PKIG: variants seen among roughly 807,000 people sequenced by gnomAD.
PKIG encodes the protein cAMP-dependent protein kinase inhibitor gamma.
PKIG carries 1 observed loss-of-function variant against 6.8 expected under a neutral mutation model. The observed-to-expected ratio is 0.15, with a 90% CI of 0.05 to 0.69. The LOEUF (loss-of-function observed/expected upper bound fraction) is 0.69, where lower values mean the gene tolerates loss of function less well. PKIG is among the 30% of genes least tolerant of loss of function. The pLI is 0.82. For synonymous variants in PKIG, 39 were observed against 43.0 expected (o/e 0.91, Z 0.36); for missense variants, 77 against 104.0 (o/e 0.74, Z 1.13).
At chr20:44,532,547 A>G (rs1023535847) in intron 1 of PKIG, among the ~76,000 whole-genome samples, 3 of 152,196 alleles carry the variant, frequency 2.0e-5, no homozygotes, top group Non-Finnish European at 4.4e-5. Flanking sequence ...TGAACGAGAG[A>G]CATCGTGTCC....
At chr20:44,537,209 A>T (rs1231864546) in intron 1 of PKIG, among the ~76,000 whole-genome samples, 1 of 152,164 alleles carries the variant, frequency 6.6e-6, no homozygotes, top group Non-Finnish European at 1.5e-5. Flanking sequence ...GGTTCAAGCG[A>T]TTCTCATGCC....
intron 2 of PKIG, among the ~76,000 whole-genome samples, chr20:44,592,200 G>A (rs1434455128): frequency 1.3e-5 from 2 of 152,194 alleles, no homozygotes. Context: ...GACTCAAAGA[G>A]GTGGAACTGC....
At chr20:44,536,342 A>G (rs1325038923) in intron 1 of PKIG, among the ~76,000 whole-genome samples, 1 of 152,108 alleles carries the variant, frequency 6.6e-6, no homozygotes, top group Non-Finnish European at 1.5e-5. Context: ...CATTGCCCTA[A>G]TTTTCCTTTT....
chr20:44,545,227 C>T (rs1448447884), intron 1 of PKIG, among the ~76,000 whole-genome samples: 4 of 152,036 alleles, frequency 2.6e-5, no homozygotes, highest in Non-Finnish European at 4.4e-5. Flanking sequence ...TGAGCCACTG[C>T]GCCTGCAATG....
intron 1 of PKIG, among the ~76,000 whole-genome samples, chr20:44,569,350 T>A (rs1306742999): frequency 1.3e-5 from 2 of 152,200 alleles, no homozygotes; most frequent in Non-Finnish European, 2.9e-5. Flanking sequence ...GATCACACAG[T>A]TCCACCAACC....
intron 1 of PKIG, among the ~76,000 whole-genome samples, chr20:44,544,838 A>G (rs2123163487): frequency 6.7e-6 from 1 of 149,466 alleles, no homozygotes; most frequent in East Asian, 2.0e-4. Context: ...TGTCAGCTAT[A>G]CCCTGTATTT....
intron 2 of PKIG, among the ~76,000 whole-genome samples, chr20:44,611,436 C>T (rs537548237): frequency 9.9e-5 from 15 of 152,214 alleles, no homozygotes; most frequent in Admixed American, 3.9e-4. Flanking sequence ...ACTATGTACC[C>T]GTTGACCAGC....
intron 2 of PKIG, among the ~76,000 whole-genome samples, chr20:44,596,359 A>G (rs1369468709): frequency 6.6e-6 from 1 of 152,248 alleles, no homozygotes. Flanking sequence ...TAAAGGGCCT[A>G]CGCCCCAGGC....
chr20:44,550,810 A>ATG lies in PKIG; in HGVS notation c.-241+18832_-241+18833insTG, dbSNP rs1245478448. ...CCAGAGCTCTAGAGTCAGTGGTCTT[A>ATG]ACCTCTATTATGACCTCTCACTTAA... On this transcript the variant is annotated intron_variant, in intron 1 of 4. Transcript: ENST00000372887. Among the ~76,000 whole-genome samples, 130 of 152,182 alleles carry ATG rather than the reference A, an allele frequency of 8.5e-4. 1 individual carries two copies. The highest frequency in any genetic ancestry group is 2.4e-4 in the Non-Finnish European group (16 of 68,034).
At chr20:44,579,760 C>G (rs1046386675), upstream of PKIG, among the ~76,000 whole-genome samples, 3 of 152,198 alleles carry the variant, frequency 2.0e-5, no homozygotes, top group African/African-American at 7.2e-5. Context: ...GGAAGTGATA[C>G]AGAGTACATG....
chr20:44,591,530 T>C (rs1237285397), intron 2 of PKIG, among the ~76,000 whole-genome samples: 1 of 141,964 alleles, frequency 7.0e-6, no homozygotes, highest in East Asian at 2.1e-4. Flanking sequence ...CTCCTTCCCT[T>C]GGAACTTCAA....
intron 1 of PKIG, among the ~76,000 whole-genome samples, chr20:44,541,792 G>A (rs1198296545): frequency 4.0e-5 from 6 of 150,904 alleles, no homozygotes; most frequent in Admixed American, 2.0e-4. Context: ...AGGTTCAAGC[G>A]ATTCTCCTGC....
chr20:44,608,521 G>A (rs1416178273), intron 2 of PKIG, among the ~76,000 whole-genome samples: 4 of 152,030 alleles, frequency 2.6e-5, no homozygotes, highest in African/African-American at 9.7e-5. Context: ...TAATACTGTG[G>A]GCCAGGCGCA....
At chr20:44,607,729 G>T (rs1279445031) in intron 2 of PKIG, among the ~76,000 whole-genome samples, 4 of 147,630 alleles carry the variant, frequency 2.7e-5, no homozygotes, top group African/African-American at 1.0e-4. Flanking sequence ...CTGTCACCCA[G>T]GCTGGAGTGC....
At chr20:44,587,113 C>T (rs751686241) in intron 1 of PKIG, among the ~76,000 whole-genome samples, 1 of 152,184 alleles carries the variant, frequency 6.6e-6, no homozygotes, top group Non-Finnish European at 1.5e-5. Context: ...TAGTACTAAG[C>T]ACTGAACTAG....
At chr20:44,561,638 G>T (rs566207247) in intron 1 of PKIG, among the ~76,000 whole-genome samples, 3 of 152,062 alleles carry the variant, frequency 2.0e-5, no homozygotes, top group East Asian at 3.8e-4. Flanking sequence ...GTTTTTTCTT[G>T]CTGCAGTGTC....
intron 1 of PKIG, among the ~76,000 whole-genome samples, chr20:44,573,838 G>A (rs1254206147): frequency 6.6e-6 from 1 of 152,102 alleles, no homozygotes; most frequent in African/African-American, 2.4e-5. Context: ...ATTCACTCTG[G>A]GTGATTTAGG....
intron 1 of PKIG, among the ~76,000 whole-genome samples, chr20:44,553,924 A>G (rs975758729): frequency 1.3e-5 from 2 of 152,126 alleles, no homozygotes; most frequent in Non-Finnish European, 2.9e-5. Context: ...GAAATGAGCT[A>G]TGAGTCTTGG....
chr20:44,602,442 T>C lies in PKIG; in HGVS notation c.-23-12092T>C, dbSNP rs565932749. ...TTTTTCTCTTTACACATTGTAAATA[T>C]CTTTTTTAGTTTCCAGTATATACCC... On this transcript the variant is annotated intron_variant, in intron 2 of 3. Transcript: ENST00000372886. 3.9e-5 allele frequency among the ~76,000 whole-genome samples: 6 copies of C among 152,344 alleles called. No individual in the cohort carries two copies. In the East Asian group the frequency reaches 1.2e-3, roughly 29 times the overall value.
Sources: gnomAD v4.1 joint callset for allele counts (sites outside exome capture counted in the v4.1 genomes callset) on GRCh38, gnomAD v4.1.1 for gene constraint, MANE v1.5 for transcripts, NCBI Gene and HGNC (gene_info 2026-07-23, HGNC 2026-07-21) for gene names.